The following SIN3A variants were observed in gnomAD, a reference collection of about 807,000 sequenced individuals.
The protein encoded by SIN3A is paired amphipathic helix protein Sin3a.
In SIN3A, 14 loss-of-function variants were observed where a neutral mutation model predicts 146.1. That is an observed-to-expected ratio of 0.10 (90% CI 0.06 to 0.15). The LOEUF is 0.15. Among genes scored for constraint, SIN3A ranks in the 10% least tolerant of loss-of-function variants. SIN3A has a pLI of 1.00. For missense variants in SIN3A, 1,028 were observed against 1,576.0 expected (o/e 0.65, Z 5.89); for synonymous variants, 572 against 572.0 (o/e 1.00, Z 0.00).
intron 3 of SIN3A, among the ~76,000 whole-genome samples, chr15:75,414,737 G>A (rs2073702560): frequency 6.6e-6 from 1 of 152,158 alleles, no homozygotes; most frequent in Admixed American, 6.6e-5. Flanking sequence ...ATCACTCCAT[G>A]CCTGGAGATG....
chr15:75,422,397 C>A, intron 3 of SIN3A: 1 of 604,832 alleles, frequency 1.7e-6, no homozygotes, highest in Admixed American at 2.9e-5. Context: ...AATGGCCCCA[C>A]AATCCTGATA....
At chr15:75,409,762 T>TGACC (rs1448879626) in intron 8 of SIN3A, 74 bp downstream of exon 8, 3 of 1,476,640 alleles carry the variant, frequency 2.0e-6, no homozygotes, top group East Asian at 4.6e-5. Context: ...ACAAAACACA[T>TGACC]GACCACCTCT....
Position 75,400,730 on chromosome 15 carries a change from C to T in SIN3A, c.1737G>A (p.Glu579=). The T allele has an allele frequency of 6.2e-7, 1 of 1,612,824 alleles. No individual in the cohort carries two copies. Among genetic ancestry groups the T allele is most frequent in the Non-Finnish European group, 8.5e-7 (1 of 1,179,574 alleles). The change falls in exon 11 of 21, where the codon GAG becomes GAA. Residue 579 remains glutamate, a splice_region_variant and synonymous_variant. Coordinates refer to ENST00000394947, the MANE Select transcript of SIN3A (RefSeq NM_001145358.2). ...KCTGRTPLCK[E]VLNDTWVSFP... ...TGATCTTTGCTAGGGAAGGCCTTACCTCTTTACAGAGAGGAGTCCGTCCTG... is the reference window on the plus strand; with the variant it reads ...TGATCTTTGCTAGGGAAGGCCTTACTTCTTTACAGAGAGGAGTCCGTCCTG...
At chr15:75,432,726 G>A (rs2074033421) in intron 1 of SIN3A, among the ~76,000 whole-genome samples, 1 of 146,882 alleles carries the variant, frequency 6.8e-6, no homozygotes, top group South Asian at 2.2e-4. Flanking sequence ...TGTTATGATA[G>A]GGCAGCACTG....
chr15:75,402,184 T>C (rs536141342), intron 9 of SIN3A, among the ~76,000 whole-genome samples: 1 of 152,134 alleles, frequency 6.6e-6, no homozygotes, highest in South Asian at 2.1e-4. Context: ...GGTCATATAT[T>C]GCCCAGCTGC....
At chr15:75,372,273 C>G (rs899700054) in intron 20 of SIN3A, 64 bp from the exon 21 acceptor site, 4 of 1,113,268 alleles carry the variant, frequency 3.6e-6, no homozygotes, top group Non-Finnish European at 3.8e-6. Flanking sequence ...CCTTCAAATA[C>G]AAAGCCTAAT....
Position 75,410,202 on chromosome 15 carries a change from G to C in SIN3A, c.1093C>G (p.Leu365Val), listed in dbSNP as rs2073604485. 6.2e-7 allele frequency: 1 copy of C among 1,614,062 alleles called. No individual in the cohort carries two copies. Among genetic ancestry groups the C allele is most frequent in the Non-Finnish European group, 8.5e-7 (1 of 1,179,984 alleles). The change falls in exon 7 of 21, where the codon CTC (leucine) becomes GTC (valine). Residue 365 changes from leucine to valine, a missense_variant. Leu to Val is a conservative substitution (Grantham distance 32, BLOSUM62 1). Transcript: ENST00000394947. ...EQEVYAQVAR[L>V]FKNQEDLLSE... ...AACAAATCTTCCTGGTTTTTAAAGA[G>C]ACGAGCAACCTGGGCATACACCTCC...
intron 1 of SIN3A, among the ~76,000 whole-genome samples, chr15:75,437,143 G>A (rs917679785): frequency 8.6e-5 from 13 of 150,670 alleles, no homozygotes; most frequent in African/African-American, 2.4e-4. Context: ...TGTCCTCCTC[G>A]CAACAATCCT....
At chr15:75,452,052 G>A (rs969539774), upstream of SIN3A, among the ~76,000 whole-genome samples, 11 of 152,164 alleles carry the variant, frequency 7.2e-5, no homozygotes, top group Non-Finnish European at 4.4e-5. Context: ...GTTGGCTCCC[G>A]CCTCCGCTGG....
At chr15:75,391,318 A>T (rs569080845) in intron 15 of SIN3A, among the ~76,000 whole-genome samples, 4 of 152,324 alleles carry the variant, frequency 2.6e-5, no homozygotes, top group Admixed American at 2.6e-4. Context: ...CAAGCCAGGA[A>T]TAGGCCATTT....
At chr15:75,430,985 C>T (rs1208441664) in intron 1 of SIN3A, among the ~76,000 whole-genome samples, 1 of 152,110 alleles carries the variant, frequency 6.6e-6, no homozygotes, top group Non-Finnish European at 1.5e-5. Flanking sequence ...ACCGAGTTAC[C>T]CAGGATGGTC....
rs1485638339 is a variant in SIN3A, at chr15:75,409,857, T to C, written c.1296A>G (p.Thr432=). 2 of 1,612,776 alleles carry C rather than the reference T, an allele frequency of 1.2e-6. No individual in the cohort carries two copies. Among genetic ancestry groups the C allele is most frequent in the Non-Finnish European group, 1.7e-6 (2 of 1,179,978 alleles). Residue 432 remains threonine, a synonymous_variant, in exon 8 of 21, where the codon ACA becomes ACG. Coordinates refer to ENST00000394947, the MANE Select transcript of SIN3A (RefSeq NM_001145358.2). ...TCACCTTAACTGGAGGGGTGGTTCC[T>C]GTAGGATGTCTGCGGATCTGGCAGC... is the stretch of plus-strand genomic sequence containing the variant. ...QNGCQIRRHP[T]GTTPPVKKKP...
chr15:75,404,356 T>C (rs907446635), intron 9 of SIN3A, among the ~76,000 whole-genome samples: 4 of 152,218 alleles, frequency 2.6e-5, no homozygotes, highest in Admixed American at 6.5e-5. Context: ...CAATGATCTA[T>C]AGTAAATTTT....
chr15:75,410,112 A>C, intron 7 of SIN3A, 22 bp downstream of exon 7: 1 of 1,610,770 alleles, frequency 6.2e-7, no homozygotes, highest in Non-Finnish European at 8.5e-7. Flanking sequence ...TAAATAGTGT[A>C]ATTCTTATTA....
At chr15:75,377,605 A>T (rs2072886618) in intron 19 of SIN3A, among the ~76,000 whole-genome samples, 1 of 151,856 alleles carries the variant, frequency 6.6e-6, no homozygotes, top group South Asian at 2.1e-4. Context: ...AGCTTGGGCA[A>T]CAGAGTGAGA....
rs185166968 is a variant in SIN3A at position 75,384,799 on chromosome 15, A to G, written c.3022-362T>C. Reference sequence around the variant, plus strand: ...TTAAAATCATTTACAATTGGCTCTCATACATATTCTTTCTCATTTGATCTT... The same window carrying G: ...TTAAAATCATTTACAATTGGCTCTCGTACATATTCTTTCTCATTTGATCTT... On this transcript the variant is annotated intron_variant, in intron 16 of 20. Transcript: ENST00000394947. 9.5e-3 allele frequency among the ~76,000 whole-genome samples: 1,444 copies of G among 152,316 alleles called. 13 individuals are homozygous for G. The highest frequency in any genetic ancestry group is 0.017 in the Non-Finnish European group (1,123 of 68,026).
At chr15:75,378,263 C>A (rs979024774) in intron 19 of SIN3A, among the ~76,000 whole-genome samples, 1 of 152,114 alleles carries the variant, frequency 6.6e-6, no homozygotes, top group East Asian at 1.9e-4. Context: ...TCCAACTAAC[C>A]TTTAAGAAAC....
intron 1 of SIN3A, among the ~76,000 whole-genome samples, chr15:75,437,497 C>G (rs927758050): frequency 1.3e-5 from 2 of 152,070 alleles, no homozygotes; most frequent in Non-Finnish European, 2.9e-5. Flanking sequence ...GAAACTGATA[C>G]TCAAATTAAA....
chr15:75,404,192 A>G (rs1296931705), intron 9 of SIN3A, among the ~76,000 whole-genome samples: 1 of 152,212 alleles, frequency 6.6e-6, no homozygotes, highest in African/African-American at 2.4e-5. Context: ...ATTCATCAGT[A>G]GACACTATAT....
Sources: allele counts gnomAD v4.1 joint callset (sites outside exome capture counted in the v4.1 genomes callset), GRCh38; gene constraint gnomAD v4.1.1; transcripts MANE v1.5; gene names NCBI Gene and HGNC (gene_info 2026-07-23, HGNC 2026-07-21).